Variants in KLHL29 observed in about 807,000 individuals in gnomAD.
The protein encoded by KLHL29 is kelch-like protein 29.
KLHL29 carries 21 observed loss-of-function variants against 80.4 expected under a neutral mutation model. That is an observed-to-expected ratio of 0.26 (90% CI 0.19 to 0.38). KLHL29 has a LOEUF of 0.38. Ranked by LOEUF, KLHL29 falls within the 10% of genes least tolerant of loss-of-function variation. KLHL29 has a pLI of 1.00. For synonymous variants in KLHL29, 511 were observed against 526.8 expected (o/e 0.97, Z 0.41); for missense variants, 867 against 1,223.9 (o/e 0.71, Z 4.35).
intron 1 of KLHL29, among the ~76,000 whole-genome samples, chr2:23,437,142 A>G (rs537856902): frequency 6.6e-6 from 1 of 152,350 alleles, no homozygotes; most frequent in East Asian, 1.9e-4. Flanking sequence ...TGTACTAAGC[A>G]GGCCAAGTCT....
chr2:23,663,005 G>A (rs1670455151), intron 5 of KLHL29, among the ~76,000 whole-genome samples: 1 of 152,164 alleles, frequency 6.6e-6, no homozygotes, highest in Non-Finnish European at 1.5e-5. Flanking sequence ...TGTACAATGG[G>A]GGCAATCTGT....
chr2:23,446,710 C>T (rs1023986123), intron 1 of KLHL29, among the ~76,000 whole-genome samples: 1 of 152,198 alleles, frequency 6.6e-6, no homozygotes, highest in African/African-American at 2.4e-5. Context: ...CTACATCATT[C>T]TCTCACGCCT....
chr2:23,458,740 AG>A (rs1306519978), intron 1 of KLHL29, among the ~76,000 whole-genome samples: 1 of 152,190 alleles, frequency 6.6e-6, no homozygotes, highest in Non-Finnish European at 1.5e-5. Flanking sequence ...CTGCAGTACA[AG>A]TGCAGCATCC....
chr2:23,398,171 A>G (rs1239688671), intron 1 of KLHL29, among the ~76,000 whole-genome samples: 1 of 152,274 alleles, frequency 6.6e-6, no homozygotes, highest in African/African-American at 2.4e-5. Flanking sequence ...TGTTGCTCAT[A>G]GCAACCACAT....
chr2:23,472,697 T>C (rs1358778445), intron 1 of KLHL29, among the ~76,000 whole-genome samples: 2 of 152,194 alleles, frequency 1.3e-5, no homozygotes, highest in Non-Finnish European at 2.9e-5. Flanking sequence ...GGGGTTACTC[T>C]TCTCGAGTAG....
intron 3 of KLHL29, among the ~76,000 whole-genome samples, chr2:23,595,570 G>A (rs569630533): frequency 1.1e-4 from 17 of 152,350 alleles, no homozygotes; most frequent in African/African-American, 3.8e-4. Flanking sequence ...AGAGATGGAC[G>A]CAGAGAAGGA....
intron 1 of KLHL29, among the ~76,000 whole-genome samples, chr2:23,398,668 C>T (rs1666514442): frequency 6.6e-6 from 1 of 152,232 alleles, no homozygotes; most frequent in Non-Finnish European, 1.5e-5. Flanking sequence ...TGGGCCATGT[C>T]TCTTTCTAGC....
At chr2:23,637,422 A>C (rs1669645052) in intron 3 of KLHL29, among the ~76,000 whole-genome samples, 1 of 152,162 alleles carries the variant, frequency 6.6e-6, no homozygotes, top group Non-Finnish European at 1.5e-5. Context: ...CCTGTCCCAC[A>C]GATAGAAATG....
chr2:23,631,351 C>A (rs144941223), intron 3 of KLHL29, among the ~76,000 whole-genome samples: 181 of 152,344 alleles, frequency 1.2e-3, no homozygotes, highest in Admixed American at 3.6e-3. Context: ...TAAAGAATTA[C>A]TTTTCTGTAA....
intron 5 of KLHL29, among the ~76,000 whole-genome samples, chr2:23,683,876 C>G (rs914747624): frequency 3.3e-5 from 5 of 152,156 alleles, no homozygotes; most frequent in Admixed American, 3.3e-4. Context: ...GGGGTCTCCT[C>G]CCACGCCATG....
chr2:23,466,703 G>T (rs956838837), intron 1 of KLHL29, among the ~76,000 whole-genome samples: 1 of 152,124 alleles, frequency 6.6e-6, no homozygotes, highest in Admixed American at 6.5e-5. Context: ...CTTTGTTATG[G>T]TTTTTTTATC....
rs566180984 is a variant in KLHL29 at position 23,487,381 on chromosome 2, A to G, written c.-46+11714A>G. ...TTCTGCACATGCTACCTGAATTTCC[A>G]TCTTCTAATAGGCCTATTGCATTTT... On this transcript the variant is annotated intron_variant, in intron 2 of 13. Transcript: ENST00000486442. 2.6e-5 allele frequency among the ~76,000 whole-genome samples: 4 copies of G among 152,170 alleles called. No individual in the cohort carries two copies. The South Asian group carries it at 8.3e-4, about 32-fold the overall frequency.
At chr2:23,646,457 G>A (rs527378475) in intron 5 of KLHL29, among the ~76,000 whole-genome samples, 6 of 152,232 alleles carry the variant, frequency 3.9e-5, no homozygotes, top group Non-Finnish European at 7.3e-5. Flanking sequence ...TGCGTGGCTG[G>A]GAGTGAAGAG....
chr2:23,536,916 A>ACT (rs1187760259), intron 2 of KLHL29, among the ~76,000 whole-genome samples: 62 of 52,650 alleles, frequency 1.2e-3, no homozygotes, highest in Middle Eastern at 0.022. Flanking sequence ...ACACACACAC[A>ACT]CACTCTCTCT....
At chr2:23,643,661 G>T (rs1472200615) in intron 5 of KLHL29, 1 of 152,994 alleles carries the variant, frequency 6.5e-6, no homozygotes, top group East Asian at 1.9e-4. Context: ...GGAGGACCAG[G>T]GCACACATAT....
At chr2:23,636,479 G>A (rs1245729463) in intron 3 of KLHL29, among the ~76,000 whole-genome samples, 3 of 151,696 alleles carry the variant, frequency 2.0e-5, no homozygotes, top group East Asian at 1.9e-4. Context: ...ATTCATGAAC[G>A]ACACAGCCAA....
At chr2:23,547,660 C>A (rs1396871560) in intron 2 of KLHL29, among the ~76,000 whole-genome samples, 1 of 151,594 alleles carries the variant, frequency 6.6e-6, no homozygotes, top group Non-Finnish European at 1.5e-5. Flanking sequence ...CCAAAAGTGA[C>A]CACCCCTCCC....
chr2:23,655,581 G>T (rs186530360), intron 5 of KLHL29, among the ~76,000 whole-genome samples: 5 of 152,246 alleles, frequency 3.3e-5, no homozygotes, highest in African/African-American at 9.6e-5. Flanking sequence ...CCCCAAATCG[G>T]CATAAATAGC....
At position 23,639,371 on chromosome 2, in the gene KLHL29, G is replaced by A. The variant is rs1011220945; in HGVS notation, c.427+91G>A. On this transcript the variant is annotated intron_variant, in intron 4 of 13. Transcript: ENST00000486442. ...TGGGGACCCCAACTCCTGCACAGCA[G>A]GTCTTGAACCCAGGGCCTGCAGAAG... The A allele has an allele frequency of 3.0e-6, 4 of 1,322,484 alleles. No individual in the cohort carries two copies. In the African/African-American group the frequency reaches 6.1e-5, roughly 20 times the overall value. 81.9% of individuals were successfully genotyped at this position (1,322,484 alleles called of 1,614,324 possible).
Sources: allele counts gnomAD v4.1 joint callset (sites outside exome capture counted in the v4.1 genomes callset), GRCh38; gene constraint gnomAD v4.1.1; transcripts MANE v1.5; gene names NCBI Gene and HGNC (gene_info 2026-07-23, HGNC 2026-07-21).